EPS15: variants seen among roughly 807,000 people sequenced by gnomAD.
The protein encoded by EPS15 is epidermal growth factor receptor pathway substrate 15, also known as epidermal growth factor receptor substrate 15.
EPS15 carries 72 observed loss-of-function variants against 113.8 expected under a neutral mutation model. That is an observed-to-expected ratio of 0.63 (90% CI 0.52 to 0.77). The LOEUF (loss-of-function observed/expected upper bound fraction) is 0.77. EPS15 is among the 30% of genes least tolerant of loss of function. The pLI is 0.00. For missense variants in EPS15, 1,048 were observed against 1,045.8 expected, an observed-to-expected ratio of 1.00 and a Z score of -0.03; for synonymous variants, 344 against 363.4, an observed-to-expected ratio of 0.95 and a Z score of 0.61.
chr1:51,367,898 G>A (rs763372557), intron 21 of EPS15, among the ~76,000 whole-genome samples: 6 of 152,192 alleles, frequency 3.9e-5, no homozygotes, highest in South Asian at 2.1e-4. Context: ...TTGGGAGGCC[G>A]AGGCGGGCAG....
Position 51,444,979 on chromosome 1 carries a change from T to A in EPS15, c.864A>T (p.Leu288Phe). Residue 288 changes from leucine (L) to phenylalanine (F), a missense_variant, in exon 11 of 25, where the codon TTA becomes TTT. Coordinates refer to ENST00000371733, the MANE Select transcript of EPS15 (RefSeq NM_001981.3). ...SKDQFALAFH[L>F]ISQKLIKGID... ...TGCCCTTGATTAACTTCTGACTGAT[T>A]AAGTGAAAAGCCAAGGCAAACTGAT... is the stretch of plus-strand genomic sequence containing the variant. 2 of 1,614,020 alleles carry A rather than the reference T, an allele frequency of 1.2e-6. No individual in the cohort carries two copies. Among genetic ancestry groups the A allele is most frequent in the Non-Finnish European group, 1.7e-6 (2 of 1,179,904 alleles).
chr1:51,452,170 C>T (rs1653628061), intron 8 of EPS15, among the ~76,000 whole-genome samples: 1 of 152,018 alleles, frequency 6.6e-6, no homozygotes. Flanking sequence ...CAGGTGTGAG[C>T]CACTGAGCCC....
At chr1:51,486,880 G>A (rs1385186357) in intron 1 of EPS15, among the ~76,000 whole-genome samples, 1 of 151,990 alleles carries the variant, frequency 6.6e-6, no homozygotes, top group Non-Finnish European at 1.5e-5. Context: ...ACGTTGGCCA[G>A]GCTAGTCTTG....
At chr1:51,402,619 C>T in intron 17 of EPS15, 94 bp from the exon 18 acceptor site, 2 of 649,552 alleles carry the variant, frequency 3.1e-6, no homozygotes, top group Non-Finnish European at 5.2e-6. Context: ...AGGTCATACA[C>T]ATGCTTTGAA....
At position 51,440,240 on chromosome 1, in the gene EPS15, G is replaced by T. The variant is rs1011571620; in HGVS notation, c.1040+107C>A. The T allele has an allele frequency of 1.4e-5, 6 of 438,164 alleles. No individual in the cohort carries two copies. In the Admixed American group the frequency reaches 1.8e-4, roughly 13 times the overall value. The allele number at this position is 438,164 out of a possible 1,614,324, so 27.1% of individuals were successfully genotyped here. ...AAATATACATTAGAAACAGAAAGGT[G>T]TGTGTGGGGAGGAAGTTGTATACAT... On this transcript the variant is annotated intron_variant, in intron 12 of 24. Coordinates refer to ENST00000371733, the MANE Select transcript of EPS15 (RefSeq NM_001981.3).
At chr1:51,392,203 ATAC>A (rs1257776425) in intron 21 of EPS15, among the ~76,000 whole-genome samples, 3 of 152,240 alleles carry the variant, frequency 2.0e-5, no homozygotes, top group African/African-American at 7.2e-5. Flanking sequence ...GATACATCTA[ATAC>A]TACTACTTTA....
At chr1:51,372,476 C>A (rs1407485795) in intron 21 of EPS15, 2 of 533,320 alleles carry the variant, frequency 3.8e-6, no homozygotes, top group African/African-American at 3.9e-5. Context: ...GGTTTTTAGA[C>A]CATGATTATT....
chr1:51,372,322 T>TG (rs1257572588), intron 21 of EPS15: 1 of 528,776 alleles, frequency 1.9e-6, no homozygotes, highest in Non-Finnish European at 3.9e-6. Flanking sequence ...CTCAGTGTGG[T>TG]GGATCATTTC....
At chr1:51,493,892 G>C (rs1218815681) in intron 1 of EPS15, among the ~76,000 whole-genome samples, 3 of 152,044 alleles carry the variant, frequency 2.0e-5, no homozygotes, top group Admixed American at 1.3e-4. Context: ...TGGGATTACA[G>C]GCATGAGCCA....
intron 8 of EPS15, among the ~76,000 whole-genome samples, chr1:51,453,447 T>C (rs1003901710): frequency 6.6e-6 from 1 of 152,178 alleles, no homozygotes; most frequent in Non-Finnish European, 1.5e-5. Flanking sequence ...GTGATTTTGT[T>C]TTCTTATTAT....
rs1336756089 is a variant in EPS15 at position 51,403,521 on chromosome 1, A to C, written c.1689T>G (p.Ser563Arg). ...PIHQESPARSSPELLPSGVTD... is the reference protein window; with the variant it reads ...PIHQESPARSRPELLPSGVTD... ...TCACACCAGAAGGCAGTAGTTCAGG[A>C]CTACTTCTTGCCTACAAAATATTAA... The change falls in exon 17 of 25, where the codon AGT (serine) becomes AGG (arginine). Residue 563 changes from serine to arginine, a missense_variant. Ser to Arg is a moderately radical substitution (Grantham distance 110). Transcript: ENST00000371733. The C allele has an allele frequency of 1.3e-6, 2 of 1,582,600 alleles. No individual in the cohort carries two copies. Among genetic ancestry groups the C allele is most frequent in the Non-Finnish European group, 1.7e-6 (2 of 1,161,668 alleles).
At chr1:51,440,517 A>C (rs199908910) in intron 11 of EPS15, 85 bp from the exon 12 acceptor site, 1 of 528,386 alleles carries the variant, frequency 1.9e-6, no homozygotes, top group East Asian at 3.0e-5. Context: ...AGCTCTACGC[A>C]GATATAAGGT....
intron 12 of EPS15, chr1:51,423,480 T>C (rs761598686): frequency 6.1e-6 from 6 of 985,332 alleles, no homozygotes; most frequent in Non-Finnish European, 7.2e-6. Flanking sequence ...TTTTCAGTCT[T>C]GCTGCAGCAT....
chr1:51,388,631 G>C (rs965037559), intron 21 of EPS15, among the ~76,000 whole-genome samples: 10 of 152,060 alleles, frequency 6.6e-5, no homozygotes, highest in African/African-American at 2.4e-4. Context: ...ACTGATAAAG[G>C]GGATATCACC....
intron 7 of EPS15, chr1:51,463,411 C>T (rs894942846): frequency 2.9e-5 from 8 of 273,978 alleles, no homozygotes; most frequent in East Asian, 7.3e-5. Flanking sequence ...CAAGAGTGTA[C>T]AGCACAAACT....
Position 51,439,245 on chromosome 1 carries a change from G to C in EPS15, c.1040+1102C>G, listed in dbSNP as rs138439350. On this transcript the variant is annotated intron_variant, in intron 12 of 24. Coordinates refer to ENST00000371733, the MANE Select transcript of EPS15 (RefSeq NM_001981.3). Reference sequence around the variant, plus strand: ...CCAGCCCTACCTCTGAAAGGTTTCAGTTTCACAAGTCAATAAATTTCACTC... The same window carrying C: ...CCAGCCCTACCTCTGAAAGGTTTCACTTTCACAAGTCAATAAATTTCACTC... Among the ~76,000 whole-genome samples, 163 of 152,206 alleles carry C rather than the reference G, an allele frequency of 1.1e-3. 1 individual carries two copies. The highest frequency in any genetic ancestry group is 3.9e-3 in the African/African-American group (161 of 41,562).
intron 21 of EPS15, among the ~76,000 whole-genome samples, chr1:51,382,137 T>A (rs1404374805): frequency 6.6e-6 from 1 of 152,180 alleles, no homozygotes; most frequent in Non-Finnish European, 1.5e-5. Context: ...TAAAAAGGAT[T>A]GTTAACACAG....
In EPS15 at chr1:51,365,984, C is replaced by A. The variant is rs1368739164; in HGVS notation, c.2165G>T (p.Gly722Val). ...ASVFGNESFGGGFADFSTLSK... is the reference protein window; with the variant it reads ...ASVFGNESFGVGFADFSTLSK... ...CAATGTGCTGAAGTCAGCAAATCCA[C>A]CTCCAAATGATTCATTCCCAAAAAC... Residue 722 changes from glycine to valine, a missense_variant, in exon 22 of 25, where the codon GGT becomes GTT. By Grantham distance (109) the Gly-to-Val change is moderately radical. Coordinates refer to ENST00000371733, the MANE Select transcript of EPS15 (RefSeq NM_001981.3). 1.2e-6 allele frequency: 2 copies of A among 1,613,042 alleles called. No individual in the cohort carries two copies. Among genetic ancestry groups the A allele is most frequent in the Non-Finnish European group, 1.7e-6 (2 of 1,179,406 alleles).
rs894943648 is a variant in EPS15, at chr1:51,354,452, G to A, written c.*2248C>T. ...TCTTTATTATTACTTAAAGTTTACTGTTCTCATAATTACAGGCTACAACTT... is the reference window on the plus strand; with the variant it reads ...TCTTTATTATTACTTAAAGTTTACTATTCTCATAATTACAGGCTACAACTT... On this transcript the variant is annotated 3_prime_UTR_variant, in exon 25 of 25. Coordinates refer to ENST00000371733, the MANE Select transcript of EPS15 (RefSeq NM_001981.3). 1 of 180,758 alleles carries A rather than the reference G, an allele frequency of 5.5e-6. No homozygotes were observed. Among genetic ancestry groups the A allele is most frequent in the Middle Eastern group, 2.1e-3 (1 of 472 alleles). The allele number at this position is 180,758 out of a possible 1,614,324, so 11.2% of individuals were successfully genotyped here.
Sources: allele counts gnomAD v4.1 joint callset (sites outside exome capture counted in the v4.1 genomes callset), GRCh38; gene constraint gnomAD v4.1.1; transcripts MANE v1.5; gene names NCBI Gene and HGNC (gene_info 2026-07-23, HGNC 2026-07-21).